NDST3: variants seen among roughly 807,000 people sequenced by gnomAD.
The protein encoded by NDST3 is N-deacetylase and N-sulfotransferase 3, also known as bifunctional heparan sulfate N-deacetylase/N-sulfotransferase 3.
A neutral mutation model predicts 96.1 loss-of-function variants in NDST3; 58 were observed. That is an observed-to-expected ratio of 0.60 (90% CI 0.49 to 0.75). NDST3 has a LOEUF of 0.75. NDST3 is among the 30% of genes least tolerant of loss of function. The pLI is 0.00. For missense variants in NDST3, 788 were observed against 1,034.2 expected (o/e 0.76, Z 3.27); for synonymous variants, 333 against 359.7 (o/e 0.93, Z 0.84).
chr4:118,251,108 A>G (rs367919433), intron 12 of NDST3, among the ~76,000 whole-genome samples: 2 of 138,722 alleles, frequency 1.4e-5, no homozygotes, highest in Non-Finnish European at 3.1e-5. Context: ...TTATTTATTT[A>G]TTTATTTATT....
intron 4 of NDST3, among the ~76,000 whole-genome samples, chr4:118,128,233 T>G (rs867282676): frequency 6.6e-6 from 1 of 152,066 alleles, no homozygotes; most frequent in African/African-American, 2.4e-5. Flanking sequence ...TGAATAACAG[T>G]GGTGACAGTG....
intron 6 of NDST3, among the ~76,000 whole-genome samples, chr4:118,159,088 A>T (rs985011747): frequency 6.6e-6 from 1 of 152,206 alleles, no homozygotes; most frequent in African/African-American, 2.4e-5. Context: ...ATAGGAGGAA[A>T]AGATTTGGCT....
intron 4 of NDST3, among the ~76,000 whole-genome samples, chr4:118,136,680 C>T (rs1049072811): frequency 5.3e-5 from 8 of 152,150 alleles, no homozygotes; most frequent in African/African-American, 7.2e-5. Context: ...TCCTCTTTCT[C>T]ACAGTAGCAA....
chr4:118,196,754 A>G (rs1296151694), intron 6 of NDST3, among the ~76,000 whole-genome samples: 1 of 151,776 alleles, frequency 6.6e-6, no homozygotes, highest in Non-Finnish European at 1.5e-5. Context: ...AGGCAAGCTA[A>G]AAGTTTCTCA....
intron 12 of NDST3, 23 bp downstream of exon 12, chr4:118,242,172 T>G: frequency 6.9e-7 from 1 of 1,452,766 alleles, no homozygotes. Flanking sequence ...TCTAATTAGT[T>G]TATTGACATT....
At chr4:118,125,696 A>G (rs1386009894) in intron 4 of NDST3, among the ~76,000 whole-genome samples, 1 of 152,142 alleles carries the variant, frequency 6.6e-6, no homozygotes, top group Non-Finnish European at 1.5e-5. Flanking sequence ...CCTGGACTTT[A>G]GTGACTACTT....
At chr4:118,125,293 G>C (rs907594699) in intron 4 of NDST3, among the ~76,000 whole-genome samples, 10 of 152,062 alleles carry the variant, frequency 6.6e-5, no homozygotes, top group African/African-American at 2.4e-4. Context: ...GGATAAGGAA[G>C]ACCAGACAAA....
At chr4:118,236,982 A>G in intron 9 of NDST3, 64 bp from the exon 10 acceptor site, 1 of 1,258,650 alleles carries the variant, frequency 7.9e-7, no homozygotes, top group Non-Finnish European at 1.1e-6. Flanking sequence ...CACTTTTAAC[A>G]TCTTTGGTCA....
chr4:118,131,564 G>T (rs747207009), intron 4 of NDST3, among the ~76,000 whole-genome samples: 56 of 152,120 alleles, frequency 3.7e-4, no homozygotes, highest in East Asian at 3.9e-4. Context: ...TGTCTGAAAG[G>T]TCACACATCC....
intron 2 of NDST3, among the ~76,000 whole-genome samples, chr4:118,058,349 A>G (rs6818042): frequency 0.75 from 112,594 of 149,716 alleles, 44,998 homozygotes; most frequent in South Asian, 0.92. Flanking sequence ...GAATAATATG[A>G]GTATATTTTA....
At position 118,204,666 on chromosome 4, in the gene NDST3, G is replaced by A. The variant is rs536617004; in HGVS notation, c.1540-19825G>A. On this transcript the variant is annotated intron_variant, in intron 6 of 13. Coordinates refer to ENST00000296499, the MANE Select transcript of NDST3 (RefSeq NM_004784.3). The stretch of plus-strand genomic sequence containing the variant: ...TTATGCCAAACTTAAAGTATGTAAG[G>A]AAGCAACTTTAGGATAAACTTGATT... Among the ~76,000 whole-genome samples the A allele has an allele frequency of 2.8e-5, 4 of 144,690 alleles. No homozygotes were observed. In the East Asian group the frequency reaches 7.9e-4, roughly 28 times the overall value. 94.9% of individuals were successfully genotyped at this position (144,690 alleles called of 152,430 possible). A position where few individuals can be genotyped will look rare whatever the true frequency, so the allele number is the denominator to read the frequency against.
At chr4:118,109,304 GT>G (rs1387285894) in intron 3 of NDST3, among the ~76,000 whole-genome samples, 1 of 152,180 alleles carries the variant, frequency 6.6e-6, no homozygotes, top group Non-Finnish European at 1.5e-5. Context: ...TATGTGGTGT[GT>G]TTAGGGGGAG....
intron 6 of NDST3, among the ~76,000 whole-genome samples, chr4:118,156,115 C>T (rs769786873): frequency 7.9e-5 from 12 of 152,052 alleles, no homozygotes; most frequent in Non-Finnish European, 1.6e-4. Context: ...CTCCTGTCCA[C>T]TTTTCTCATC....
At chr4:118,131,377 T>G (rs1393531426) in intron 4 of NDST3, among the ~76,000 whole-genome samples, 1 of 152,014 alleles carries the variant, frequency 6.6e-6, no homozygotes, top group Non-Finnish European at 1.5e-5. Flanking sequence ...TGCTATTAAG[T>G]GACTCTGATG....
chr4:118,254,604 T>G (rs907868568), intron 13 of NDST3, among the ~76,000 whole-genome samples: 1 of 152,176 alleles, frequency 6.6e-6, no homozygotes, highest in African/African-American at 2.4e-5. Context: ...ATATTTTTAT[T>G]TATTATTAGT....
intron 4 of NDST3, among the ~76,000 whole-genome samples, chr4:118,115,528 A>G (rs1731017341): frequency 6.6e-6 from 1 of 152,194 alleles, no homozygotes; most frequent in Non-Finnish European, 1.5e-5. Context: ...GGTAATAAAG[A>G]CTCAATCTAA....
chr4:118,115,463 A>G (rs1731012728), intron 4 of NDST3, among the ~76,000 whole-genome samples: 1 of 152,206 alleles, frequency 6.6e-6, no homozygotes, highest in Admixed American at 6.5e-5. Context: ...GGATTAATTG[A>G]AATGAAATGA....
In NDST3 at chr4:118,238,163, G is replaced by GA. The variant is rs371243537; in HGVS notation, c.2118+946dup. Among the ~76,000 whole-genome samples, 114 of 37,832 alleles carry GA rather than the reference G, an allele frequency of 3.0e-3. No individual in the cohort carries two copies. In the East Asian group the frequency reaches 0.039, roughly 13 times the overall value. The allele number at this position is 37,832 out of a possible 152,430, so 24.8% of individuals were successfully genotyped here. ...AGAGAGAGAAAAGAAAGAAAAGAAA[G>GA]AAAGAAAGAAAGAAAGAAAGAAAGA... is the stretch of plus-strand genomic sequence containing the variant. On this transcript the variant is annotated intron_variant, in intron 10 of 13. Coordinates refer to ENST00000296499, the MANE Select transcript of NDST3 (RefSeq NM_004784.3).
intron 4 of NDST3, among the ~76,000 whole-genome samples, chr4:118,132,053 A>G (rs1213241436): frequency 6.6e-6 from 1 of 152,020 alleles, no homozygotes; most frequent in African/African-American, 2.4e-5. Flanking sequence ...GGCCCACTAT[A>G]ACTACTACCT....
Sources: gnomAD v4.1 joint callset for allele counts (sites outside exome capture counted in the v4.1 genomes callset) on GRCh38, gnomAD v4.1.1 for gene constraint, MANE v1.5 for transcripts, NCBI Gene and HGNC (gene_info 2026-07-23, HGNC 2026-07-21) for gene names.